Variants in WWOX observed in about 807,000 individuals in gnomAD.
WWOX encodes WW domain containing oxidoreductase.
A neutral mutation model predicts 46.2 loss-of-function variants in WWOX; 69 were observed. That is an observed-to-expected ratio of 1.49 (90% CI 1.23 to 1.82). WWOX has a LOEUF of 1.82. Among genes scored for constraint, WWOX ranks in the 40% most tolerant of loss-of-function variants. WWOX has a pLI of 0.00. For synonymous variants in WWOX, 359 were observed against 202.6 expected, an observed-to-expected ratio of 1.77 and a Z score of -6.56; for missense variants, 919 against 542.6, an observed-to-expected ratio of 1.69 and a Z score of -6.89.
At chr16:78,434,259 G>C (rs905063988) in intron 8 of WWOX, among the ~76,000 whole-genome samples, 1 of 152,188 alleles carries the variant, frequency 6.6e-6, no homozygotes, top group Admixed American at 6.5e-5. Flanking sequence ...GACCTACGGA[G>C]AATGGTGTTC....
At chr16:79,133,762 C>A (rs1012327541) in intron 8 of WWOX, among the ~76,000 whole-genome samples, 1 of 152,098 alleles carries the variant, frequency 6.6e-6, no homozygotes, top group Non-Finnish European at 1.5e-5. Context: ...GCTGGTCAAA[C>A]GTATTACTTA....
At chr16:78,753,826 AT>A (rs58539855) in intron 8 of WWOX, among the ~76,000 whole-genome samples, 969 of 25,402 alleles carry the variant, frequency 0.038, 22 homozygotes, top group African/African-American at 0.085. Flanking sequence ...AAAAAAAAAA[AT>A]ATATATATAT....
At chr16:78,677,748 C>T (rs1356085773) in intron 8 of WWOX, among the ~76,000 whole-genome samples, 1 of 152,164 alleles carries the variant, frequency 6.6e-6, no homozygotes, top group African/African-American at 2.4e-5. Flanking sequence ...AGGATATGTC[C>T]AGAAAACACT....
chr16:79,185,263 A>G (rs2050990726), intron 8 of WWOX, among the ~76,000 whole-genome samples: 1 of 152,180 alleles, frequency 6.6e-6, no homozygotes, highest in African/African-American at 2.4e-5. Flanking sequence ...CCAGACAGGA[A>G]ACTGCCTCTC....
intron 8 of WWOX, among the ~76,000 whole-genome samples, chr16:78,694,300 G>C (rs746937227): frequency 2.0e-5 from 3 of 152,180 alleles, no homozygotes; most frequent in Non-Finnish European, 2.9e-5. Context: ...GAGACCTGTG[G>C]AAAGTGTGGT....
At chr16:78,879,652 C>T (rs141667768) in intron 8 of WWOX, among the ~76,000 whole-genome samples, 14 of 152,098 alleles carry the variant, frequency 9.2e-5, no homozygotes, top group Non-Finnish European at 1.9e-4. Flanking sequence ...CCGAGGCAGG[C>T]GGATCACCTA....
chr16:78,733,360 C>G (rs1332873444), intron 8 of WWOX, among the ~76,000 whole-genome samples: 1 of 152,064 alleles, frequency 6.6e-6, no homozygotes. Flanking sequence ...AAGGTCAAGG[C>G]AGGAGGATTG....
At chr16:78,979,356 A>C (rs946788968) in intron 8 of WWOX, among the ~76,000 whole-genome samples, 3 of 152,170 alleles carry the variant, frequency 2.0e-5, no homozygotes, top group African/African-American at 7.2e-5. Flanking sequence ...GTTTGGCTCC[A>C]AGTGAAAACT....
chr16:78,939,745 A>G (rs2045814387), intron 8 of WWOX, among the ~76,000 whole-genome samples: 1 of 152,348 alleles, frequency 6.6e-6, no homozygotes, highest in East Asian at 1.9e-4. Context: ...TTTCTGGGTA[A>G]CCCAGCCCCT....
At chr16:79,137,960 G>T (rs188765464) in intron 8 of WWOX, among the ~76,000 whole-genome samples, 1 of 152,274 alleles carries the variant, frequency 6.6e-6, no homozygotes, top group Admixed American at 6.5e-5. Context: ...GATGAAATTG[G>T]TAAAAATAAT....
At chr16:78,403,767 G>T (rs1322472312) in intron 6 of WWOX, among the ~76,000 whole-genome samples, 5 of 152,204 alleles carry the variant, frequency 3.3e-5, no homozygotes, top group Non-Finnish European at 7.3e-5. Flanking sequence ...GAGTAAATGT[G>T]TTCTGCCTAG....
intron 5 of WWOX, among the ~76,000 whole-genome samples, chr16:78,362,611 C>A (rs12597680): frequency 0.11 from 16,898 of 151,824 alleles, 1,286 homozygotes; most frequent in East Asian, 0.3. Flanking sequence ...TCTATCTACC[C>A]CCCACCCTGC....
intron 8 of WWOX, among the ~76,000 whole-genome samples, chr16:78,836,481 A>T (rs2051987844): frequency 6.6e-6 from 1 of 152,200 alleles, no homozygotes. Flanking sequence ...CTCTTCTAGT[A>T]GGATCTCACA....
At chr16:78,244,247 C>T (rs1192574538) in intron 5 of WWOX, among the ~76,000 whole-genome samples, 1 of 152,180 alleles carries the variant, frequency 6.6e-6, no homozygotes, top group Non-Finnish European at 1.5e-5. Context: ...TGAAGCAGTA[C>T]ATGTGAAGTG....
At chr16:78,358,443 A>AG (rs1314567120) in intron 5 of WWOX, among the ~76,000 whole-genome samples, 4 of 152,184 alleles carry the variant, frequency 2.6e-5, no homozygotes, top group African/African-American at 9.6e-5. Context: ...AGATCACTTG[A>AG]GGTCAGGAGT....
In WWOX at chr16:78,551,043, A is replaced by G. The variant is rs113816140; in HGVS notation, c.1056+118291A>G. 2.7e-4 allele frequency: 41 copies of G among 152,360 alleles called. 1 individual carries two copies. Among genetic ancestry groups the G allele is most frequent in the African/African-American group, 9.6e-4 (40 of 41,584 alleles). 9.4% of individuals were successfully genotyped at this position (152,360 alleles called of 1,614,324 possible). On this transcript the variant is annotated intron_variant, in intron 8 of 8. Coordinates refer to ENST00000566780, the MANE Select transcript of WWOX (RefSeq NM_016373.4). Reference sequence around the variant, plus strand: ...ACAAATACCTAATATATTCCATGAAACAAGTATCGTGAATATATTCCATGA... The same window carrying G: ...ACAAATACCTAATATATTCCATGAAGCAAGTATCGTGAATATATTCCATGA...
At chr16:78,875,023 C>T (rs1271160850) in intron 8 of WWOX, among the ~76,000 whole-genome samples, 1 of 152,128 alleles carries the variant, frequency 6.6e-6, no homozygotes, top group African/African-American at 2.4e-5. Context: ...TTTCAATATC[C>T]TATGCTTCTG....
At chr16:78,984,868 G>C (rs1009644882) in intron 8 of WWOX, among the ~76,000 whole-genome samples, 1 of 152,198 alleles carries the variant, frequency 6.6e-6, no homozygotes, top group African/African-American at 2.4e-5. Context: ...AGGGTGCATG[G>C]AGCGTGCAGG....
chr16:78,816,502 C>CTTTTTTTTTTT (rs55814418), intron 8 of WWOX, among the ~76,000 whole-genome samples: 5 of 42,066 alleles, frequency 1.2e-4, no homozygotes, highest in Non-Finnish European at 2.1e-4. Flanking sequence ...AGGAGCCACT[C>CTTTTTTTTTTT]TTTTTTTTTT....
Sources: allele counts gnomAD v4.1 joint callset (sites outside exome capture counted in the v4.1 genomes callset), GRCh38; gene constraint gnomAD v4.1.1; transcripts MANE v1.5; gene names NCBI Gene and HGNC (gene_info 2026-07-23, HGNC 2026-07-21).